HCN3: variants seen among roughly 807,000 people sequenced by gnomAD.
HCN3 encodes hyperpolarization activated cyclic nucleotide gated potassium channel 3.
In HCN3, 36 loss-of-function variants were observed where a neutral mutation model predicts 56.8. The observed-to-expected ratio is 0.63, with a 90% CI of 0.49 to 0.84. The LOEUF (loss-of-function observed/expected upper bound fraction) is 0.84. Ranked by LOEUF, HCN3 falls within the 40% of genes least tolerant of loss-of-function variation. The pLI is 0.00. For missense variants in HCN3, 930 were observed against 1,079.3 expected (o/e 0.86, Z 1.94); for synonymous variants, 425 against 439.7 (o/e 0.97, Z 0.42).
chr1:155,287,362 T>C (rs1210838548), intron 7 of HCN3, 25 bp downstream of exon 7: 6 of 1,612,588 alleles, frequency 3.7e-6, no homozygotes, highest in Non-Finnish European at 5.1e-6. Flanking sequence ...CCCCATCTGC[T>C]CTGGGTCCAG....
chr1:155,288,337 A>T lies in HCN3; in HGVS notation c.2199A>T (p.Gly733=). The change falls in exon 8 of 8, where the codon GGA becomes GGT. Residue 733 remains glycine (G), a synonymous_variant. Transcript: ENST00000368358. The surrounding 1 kb of genome is among the most constrained non-coding windows in gnomAD (Gnocchi z 6.5). ...GCGATGGCTCTCCTGGGCGTAAGGG[A>T]TCAGGAAGTGAGCGGCTGCCTCCCT... ...ATGDGSPGRK[G]SGSERLPPSG... 1.2e-6 allele frequency: 2 copies of T among 1,613,860 alleles called. No homozygotes were observed. Among genetic ancestry groups the T allele is most frequent in the South Asian group, 2.2e-5 (2 of 91,076 alleles).
rs558326774 is a variant in HCN3 at position 155,284,451 on chromosome 1, C to A, written c.871-88C>A. 29 of 1,379,818 alleles carry A rather than the reference C, an allele frequency of 2.1e-5. No homozygotes were observed. The African/African-American group carries it at 3.7e-4, about 18-fold the overall frequency. 85.5% of individuals were successfully genotyped at this position (1,379,818 alleles called of 1,614,324 possible). A position where few individuals can be genotyped will look rare whatever the true frequency, so the allele number is the denominator to read the frequency against. Reference sequence around the variant, plus strand: ...GAAGGCCTGCAGTAGAAGGGGCAGACAGAAAGACCAAAGAAGGAAAAGGGG... The same window carrying A: ...GAAGGCCTGCAGTAGAAGGGGCAGAAAGAAAGACCAAAGAAGGAAAAGGGG... On this transcript the variant is annotated intron_variant, in intron 3 of 7. Transcript: ENST00000368358. The surrounding 1 kb of genome is among the most constrained non-coding windows in gnomAD (Gnocchi z 4.3).
rs1191997545 is a variant in HCN3 at position 155,282,876 on chromosome 1, G to T, written c.708+36G>T. The T allele has an allele frequency of 2.0e-6, 3 of 1,500,268 alleles. No individual in the cohort carries two copies. Among genetic ancestry groups the T allele is most frequent in the East Asian group, 2.5e-5 (1 of 40,704 alleles). 92.9% of individuals were successfully genotyped at this position (1,500,268 alleles called of 1,614,324 possible). The stretch of plus-strand genomic sequence containing the variant: ...GAGATGGCGGGCGGGGCAGTGGGTG[G>T]GGGATGTTGGGGGAGAAGGGGGCGG... On this transcript the variant is annotated intron_variant, in intron 2 of 7. Transcript: ENST00000368358. The surrounding 1 kb of genome is among the most constrained non-coding windows in gnomAD (Gnocchi z 4.7).
In HCN3 at chr1:155,282,352, A is replaced by G; in HGVS notation, c.279-59A>G. 3 of 1,511,540 alleles carry G rather than the reference A, an allele frequency of 2.0e-6. No individual in the cohort carries two copies. The highest frequency in any genetic ancestry group is 1.2e-5 in the South Asian group (1 of 85,650). 93.6% of individuals were successfully genotyped at this position (1,511,540 alleles called of 1,614,324 possible). On this transcript the variant is annotated intron_variant, in intron 1 of 7. Coordinates refer to ENST00000368358, the MANE Select transcript of HCN3 (RefSeq NM_020897.3). The surrounding 1 kb of genome is among the most constrained non-coding windows in gnomAD (Gnocchi z 4.7). ...TGGCCATGTCAGCCTATCTTCTGTC[A>G]GTCTAGTGGCTGGTGAAATATCCTC...
rs186639537 is a variant in HCN3 at position 155,282,084 on chromosome 1, A to G, written c.279-327A>G. ...TCTACTTATCTGTCTACATTTTTCTACACAAGGACATGTGTGTTGTTCTCA... is the reference window on the plus strand; with the variant it reads ...TCTACTTATCTGTCTACATTTTTCTGCACAAGGACATGTGTGTTGTTCTCA... On this transcript the variant is annotated intron_variant, in intron 1 of 7. Transcript: ENST00000368358. The surrounding 1 kb of genome is among the most constrained non-coding windows in gnomAD (Gnocchi z 4.7). Among the ~76,000 whole-genome samples the G allele has an allele frequency of 5.3e-4, 80 of 152,256 alleles. No homozygotes were observed. Among genetic ancestry groups the G allele is most frequent in the Non-Finnish European group, 7.6e-4 (52 of 68,022 alleles).
In HCN3 at chr1:155,288,118, C is replaced by T. The variant is rs1674373329; in HGVS notation, c.1980C>T (p.Val660=). 2 of 1,601,782 alleles carry T rather than the reference C, an allele frequency of 1.2e-6. No homozygotes were observed. Among genetic ancestry groups the T allele is most frequent in the Non-Finnish European group, 1.7e-6 (2 of 1,176,768 alleles). The change falls in exon 8 of 8, where the codon GTC becomes GTT. Residue 660 remains valine, a synonymous_variant. Coordinates refer to ENST00000368358, the MANE Select transcript of HCN3 (RefSeq NM_020897.3). This position sits in a 1 kb window ranked among gnomAD's most constrained non-coding sequence, Gnocchi z 6.5. ...CTCCAGCTTCCCCGCTGGTGCCCGT[C>T]CGAGCTGGCCCATGGGCATCCACCT... The part of the protein sequence containing the change: ...AGSPASPLVP[V]RAGPWASTSR...
In HCN3 at chr1:155,284,410, A is replaced by T; in HGVS notation, c.871-129A>T. 1 of 1,088,902 alleles carries T rather than the reference A, an allele frequency of 9.2e-7. No homozygotes were observed. The highest frequency in any genetic ancestry group is 1.3e-6 in the Non-Finnish European group (1 of 777,716). 67.5% of individuals were successfully genotyped at this position (1,088,902 alleles called of 1,614,324 possible). On this transcript the variant is annotated intron_variant, in intron 3 of 7. Transcript: ENST00000368358. This position sits in a 1 kb window ranked among gnomAD's most constrained non-coding sequence, Gnocchi z 4.3. ...CTCAGGGCCCCCCAGAACCAAACTT[A>T]AGTGCCTGCCAGGAGGAAGGCCTGC...
chr1:155,282,579 C>T lies in HCN3; in HGVS notation c.447C>T (p.Ile149=), dbSNP rs756003377. The change falls in exon 2 of 8, where the codon ATC becomes ATT. Residue 149 remains isoleucine, a synonymous_variant. Transcript: ENST00000368358. This position sits in a 1 kb window ranked among gnomAD's most constrained non-coding sequence, Gnocchi z 4.7. The part of the protein sequence containing the change: ...LDLVLNFRTG[I]VVEEGAEILL... ...TGGTGCTCAACTTCCGAACGGGCAT[C>T]GTGGTGGAGGAGGGTGCTGAGATCC... is the stretch of plus-strand genomic sequence containing the variant. 1.2e-6 allele frequency: 2 copies of T among 1,614,254 alleles called. No homozygotes were observed. The highest frequency in any genetic ancestry group is 1.6e-4 in the Middle Eastern group (1 of 6,062).
Position 155,284,829 on chromosome 1 carries a change from A to T in HCN3, c.1089+72A>T. The T allele has an allele frequency of 1.5e-6, 2 of 1,333,736 alleles. No homozygotes were observed. The highest frequency in any genetic ancestry group is 2.1e-6 in the Non-Finnish European group (2 of 962,556). The allele number at this position is 1,333,736 out of a possible 1,614,324, so 82.6% of individuals were successfully genotyped here. A position where few individuals can be genotyped will look rare whatever the true frequency, so the allele number is the denominator to read the frequency against. ...GACTGGGTAGCCTGACTTGAGGCCCATTCTGATGTGTGCCCCTGTTGCGTC... is the reference window on the plus strand; with the variant it reads ...GACTGGGTAGCCTGACTTGAGGCCCTTTCTGATGTGTGCCCCTGTTGCGTC... On this transcript the variant is annotated intron_variant, in intron 4 of 7. Coordinates refer to ENST00000368358, the MANE Select transcript of HCN3 (RefSeq NM_020897.3). The surrounding 1 kb of genome is among the most constrained non-coding windows in gnomAD (Gnocchi z 4.3).
intron 1 of HCN3, 88 bp downstream of exon 1, chr1:155,277,956 C>T (rs971152752): frequency 6.8e-6 from 10 of 1,469,460 alleles, no homozygotes; most frequent in African/African-American, 2.8e-5. Flanking sequence ...CCACCCTCCA[C>T]GGTCACTTCA....
In HCN3 at chr1:155,277,873, TG is replaced by T; in HGVS notation, c.278+10del. 6.2e-7 allele frequency: 1 copy of T among 1,610,548 alleles called. No individual in the cohort carries two copies. The highest frequency in any genetic ancestry group is 8.5e-7 in the Non-Finnish European group (1 of 1,178,860). On this transcript the variant is annotated splice_donor_region_variant and intron_variant, in intron 1 of 7. Transcript: ENST00000368358. Reference sequence around the variant, plus strand: ...CCACCCCTACAGCGACTTCCGGTATTGGGGGCTTGGCGGGGAGGGCAGGGTA... The same window carrying T: ...CCACCCCTACAGCGACTTCCGGTATTGGGGCTTGGCGGGGAGGGCAGGGTA...
intron 7 of HCN3, 51 bp downstream of exon 7, chr1:155,287,388 C>A: frequency 6.3e-7 from 1 of 1,599,804 alleles, no homozygotes; most frequent in Non-Finnish European, 8.5e-7. Context: ...GCTCTCACCC[C>A]ACCTCCAAAG....
At position 155,282,615 on chromosome 1, in the gene HCN3, G is replaced by A. The variant is rs747187791; in HGVS notation, c.483G>A (p.Pro161=). The A allele has an allele frequency of 1.2e-6, 2 of 1,614,242 alleles. No individual in the cohort carries two copies. Among genetic ancestry groups the A allele is most frequent in the Non-Finnish European group, 1.7e-6 (2 of 1,180,052 alleles). Residue 161 remains proline (P), a synonymous_variant, in exon 2 of 8, where the codon CCG becomes CCA. Coordinates refer to ENST00000368358, the MANE Select transcript of HCN3 (RefSeq NM_020897.3). This position sits in a 1 kb window ranked among gnomAD's most constrained non-coding sequence, Gnocchi z 4.7. ...VEEGAEILLA[P]RAIRTRYLRT... is the part of the protein sequence containing the mutation. Reference sequence around the variant, plus strand: ...AGGGTGCTGAGATCCTGCTGGCACCGCGGGCCATCCGCACGCGCTACCTGC... The same window carrying A: ...AGGGTGCTGAGATCCTGCTGGCACCACGGGCCATCCGCACGCGCTACCTGC...
intron 1 of HCN3, among the ~76,000 whole-genome samples, chr1:155,280,720 G>T (rs555262043): frequency 2.1e-5 from 3 of 144,446 alleles, no homozygotes; most frequent in African/African-American, 7.7e-5. Flanking sequence ...TTACAGGCGT[G>T]AGCCACCACG....
In HCN3 at chr1:155,285,921, C is replaced by T. The variant is rs763832151; in HGVS notation, c.1434C>T (p.Arg478=). The part of the protein sequence containing the change: ...IQHGLLSVLA[R]GARDTRLTDG... ...ATGGGCTGCTCAGTGTGCTGGCCCG[C>T]GGCGCCCGGGACACACGCCTCACCG... Residue 478 remains arginine, a synonymous_variant, in exon 6 of 8, where the codon CGC becomes CGT. Transcript: ENST00000368358. The surrounding 1 kb of genome is among the most constrained non-coding windows in gnomAD (Gnocchi z 4.5). 1.6e-5 allele frequency: 25 copies of T among 1,606,962 alleles called. No homozygotes were observed. The highest frequency in any genetic ancestry group is 5.0e-5 in the Admixed American group (3 of 59,776).
At chr1:155,279,459 G>A (rs1408133822) in intron 1 of HCN3, among the ~76,000 whole-genome samples, 1 of 152,232 alleles carries the variant, frequency 6.6e-6, no homozygotes, top group Non-Finnish European at 1.5e-5. Flanking sequence ...CTCCTGTGGA[G>A]CTTCTCTGTG....
rs34480594 is a variant in HCN3, at chr1:155,280,738, A to ATTTTT, written c.279-1644_279-1640dup. Reference sequence around the variant, plus strand: ...CAGGCGTGAGCCACCACGCCCAGCTATTTTTTTTTTTTTTTTTTTTTTTTT... The same window carrying ATTTTT: ...CAGGCGTGAGCCACCACGCCCAGCTATTTTTTTTTTTTTTTTTTTTTTTTTTTTTT... On this transcript the variant is annotated intron_variant, in intron 1 of 7. Transcript: ENST00000368358. 7.2e-4 allele frequency among the ~76,000 whole-genome samples: 25 copies of ATTTTT among 34,570 alleles called. 1 individual carries two copies. The highest frequency in any genetic ancestry group is 2.4e-3 in the African/African-American group (17 of 7,216). The allele number at this position is 34,570 out of a possible 152,430, so 22.7% of individuals were successfully genotyped here.
intron 1 of HCN3, among the ~76,000 whole-genome samples, chr1:155,280,645 A>G (rs183548055): frequency 0.011 from 1,653 of 145,836 alleles, 27 homozygotes; most frequent in African/African-American, 0.04. Flanking sequence ...TCACCGTGTT[A>G]GCCAGGATGG....
intron 2 of HCN3, among the ~76,000 whole-genome samples, chr1:155,283,563 C>T (rs1403128030): frequency 4.9e-5 from 6 of 123,142 alleles, no homozygotes; most frequent in Non-Finnish European, 9.8e-5. Context: ...CCCCTCCCCC[C>T]ACCCATTATA....
Sources: gnomAD v4.1 joint callset for allele counts (sites outside exome capture counted in the v4.1 genomes callset) on GRCh38, gnomAD v4.1.1 for gene constraint, Gnocchi (gnomAD v3.1) non-coding constraint, MANE v1.5 for transcripts, NCBI Gene and HGNC (gene_info 2026-07-23, HGNC 2026-07-21) for gene names.